EGLN1: variants seen among roughly 807,000 people sequenced by gnomAD.
The protein encoded by EGLN1 is egl-9 family hypoxia inducible factor 1, also known as egl nine homolog 1.
A neutral mutation model predicts 38.3 loss-of-function variants in EGLN1; 17 were observed. The observed-to-expected ratio is 0.44, with a 90% CI of 0.30 to 0.67. The LOEUF is 0.67. EGLN1 is among the 30% of genes least tolerant of loss of function. The pLI is 0.08. For synonymous variants in EGLN1, 283 were observed against 257.5 expected (o/e 1.10, Z -0.95); for missense variants, 477 against 603.3 (o/e 0.79, Z 2.19).
In EGLN1 at chr1:231,421,801, G is replaced by T; in HGVS notation, c.88C>A (p.Leu30Met). The T allele has an allele frequency of 6.4e-7, 1 of 1,559,988 alleles. No homozygotes were observed. The highest frequency in any genetic ancestry group is 1.2e-5 in the South Asian group (1 of 86,562). Reference protein sequence around the residue: ...YCELCGKMENLLRCSRCRSSF... With the variant: ...YCELCGKMENMLRCSRCRSSF... ...CTGCGGCAGCGGCTGCAGCGCAGCAGGTTCTCCATCTTCCCGCACAGCTCG... is the reference window on the plus strand; with the variant it reads ...CTGCGGCAGCGGCTGCAGCGCAGCATGTTCTCCATCTTCCCGCACAGCTCG... The change falls in exon 1 of 5, where the codon CTG (leucine) becomes ATG (methionine). Residue 30 changes from leucine to methionine, a missense_variant. Physicochemically the swap from Leu to Met is conservative, Grantham distance 15 (BLOSUM62 2). Around this residue, in one of 4 missense-constraint regions of EGLN1, gnomAD observed 298 missense variants for 288.9 expected, o/e 1.03. Transcript: ENST00000366641. The surrounding 1 kb of genome is among the most constrained non-coding windows in gnomAD (Gnocchi z 5.5).
chr1:231,381,682 AT>A (rs567540595), intron 1 of EGLN1, among the ~76,000 whole-genome samples: 16 of 152,332 alleles, frequency 1.1e-4, no homozygotes, highest in African/African-American at 2.4e-4. Flanking sequence ...TGAAGAATTG[AT>A]AAAGTTATGC....
intron 2 of EGLN1, among the ~76,000 whole-genome samples, chr1:231,371,932 A>C (rs968039788): frequency 3.3e-5 from 5 of 152,218 alleles, no homozygotes; most frequent in African/African-American, 1.2e-4. Context: ...AATTCTAGCT[A>C]CTTTGATACC....
At chr1:231,402,821 T>C (rs1038165759) in intron 1 of EGLN1, among the ~76,000 whole-genome samples, 4 of 150,448 alleles carry the variant, frequency 2.7e-5, no homozygotes, top group African/African-American at 9.8e-5. Context: ...TTTTTCCACA[T>C]AGATAGCCAT....
chr1:231,406,926 C>T (rs999318702), intron 1 of EGLN1, among the ~76,000 whole-genome samples: 2 of 152,088 alleles, frequency 1.3e-5, no homozygotes, highest in African/African-American at 2.4e-5. Flanking sequence ...CCCAAAATTT[C>T]TTTATTCAAG....
chr1:231,390,090 T>C (rs1462531986), intron 1 of EGLN1, among the ~76,000 whole-genome samples: 2 of 152,226 alleles, frequency 1.3e-5, no homozygotes, highest in Non-Finnish European at 2.9e-5. Context: ...TGTACCTAAC[T>C]ACCCTTGTCT....
chr1:231,378,507 G>A (rs1264901068), intron 1 of EGLN1, among the ~76,000 whole-genome samples: 2 of 152,076 alleles, frequency 1.3e-5, no homozygotes, highest in Non-Finnish European at 2.9e-5. Flanking sequence ...CGTTGCCCAC[G>A]CTGGTCTTCC....
chr1:231,386,577 C>T (rs1313821196), intron 1 of EGLN1, among the ~76,000 whole-genome samples: 7 of 152,140 alleles, frequency 4.6e-5, no homozygotes, highest in African/African-American at 1.7e-4. Flanking sequence ...TATTGCCACA[C>T]CTAAACACAC....
intron 1 of EGLN1, among the ~76,000 whole-genome samples, chr1:231,388,646 G>T (rs1370091769): frequency 1.9e-5 from 2 of 103,804 alleles, no homozygotes; most frequent in Non-Finnish European, 4.9e-5. Context: ...TAATTTTTTG[G>T]TTTTTTGTTG....
intron 1 of EGLN1, among the ~76,000 whole-genome samples, chr1:231,419,610 G>C (rs1366398969): frequency 2.6e-5 from 4 of 152,082 alleles, no homozygotes; most frequent in Non-Finnish European, 4.4e-5. Flanking sequence ...TCTAGTGAAA[G>C]ACCAACGCTG....
rs775733855 is a variant in EGLN1 at position 231,421,262 on chromosome 1, C to A, written c.627G>T (p.Val209=). 4 of 1,613,632 alleles carry A rather than the reference C, an allele frequency of 2.5e-6. No individual in the cohort carries two copies. The highest frequency in any genetic ancestry group is 3.4e-6 in the Non-Finnish European group (4 of 1,180,024). ...TCTCCTTGCCGAGGAAGTCGTCCAC[C>A]ACACAGATGCCGTGCTTGTTCATGC... ...VPCMNKHGIC[V]VDDFLGKETG... is the part of the protein sequence containing the mutation. Residue 209 remains valine, a synonymous_variant, in exon 1 of 5, where the codon GTG becomes GTT. Transcript: ENST00000366641. This position sits in a 1 kb window ranked among gnomAD's most constrained non-coding sequence, Gnocchi z 5.5.
At chr1:231,404,132 T>A (rs1688730210) in intron 1 of EGLN1, among the ~76,000 whole-genome samples, 1 of 152,144 alleles carries the variant, frequency 6.6e-6, no homozygotes, top group Non-Finnish European at 1.5e-5. Flanking sequence ...TTAAAAATGT[T>A]AAGAATAATT....
chr1:231,370,774 A>G, intron 2 of EGLN1, 76 bp from the exon 3 acceptor site: 2 of 1,511,248 alleles, frequency 1.3e-6, no homozygotes, highest in Non-Finnish European at 1.8e-6. Context: ...AAAAAAAGAG[A>G]CAATTTCAAT....
At chr1:231,377,925 C>G (rs1231017816) in intron 1 of EGLN1, among the ~76,000 whole-genome samples, 1 of 152,158 alleles carries the variant, frequency 6.6e-6, no homozygotes, top group African/African-American at 2.4e-5. Flanking sequence ...AGTTTTAAAT[C>G]TCACGTTTTG....
chr1:231,421,649 C>G lies in EGLN1; in HGVS notation c.240G>C (p.Pro80=), dbSNP rs973195004. Residue 80 remains proline, a synonymous_variant, in exon 1 of 5, where the codon CCG becomes CCC. Coordinates refer to ENST00000366641, the MANE Select transcript of EGLN1 (RefSeq NM_022051.3). This position sits in a 1 kb window ranked among gnomAD's most constrained non-coding sequence, Gnocchi z 5.5. Reference sequence around the variant, plus strand: ...CGGCCCTGGGCGGCGGCACTGCAGCCGGCGGCGCGGGGCCGGAATGCTGGT... The same window carrying G: ...CGGCCCTGGGCGGCGGCACTGCAGCGGGCGGCGCGGGGCCGGAATGCTGGT... ...GPHQHSGPAP[P]AAVPPPRAGA... 2.1e-6 allele frequency: 3 copies of G among 1,456,532 alleles called. No individual in the cohort carries two copies. Among genetic ancestry groups the G allele is most frequent in the African/African-American group, 1.5e-5 (1 of 67,924 alleles). The allele number at this position is 1,456,532 out of a possible 1,614,324, so 90.2% of individuals were successfully genotyped here.
intron 1 of EGLN1, among the ~76,000 whole-genome samples, chr1:231,398,569 G>T (rs1688588884): frequency 6.6e-6 from 1 of 152,204 alleles, no homozygotes; most frequent in South Asian, 2.1e-4. Context: ...TTAAACAGTT[G>T]CAACAAGGAC....
At chr1:231,412,803 G>A (rs1225776993) in intron 1 of EGLN1, among the ~76,000 whole-genome samples, 1 of 152,124 alleles carries the variant, frequency 6.6e-6, no homozygotes, top group Admixed American at 6.5e-5. Flanking sequence ...TGGCAACACT[G>A]AAAAAGTGGG....
At chr1:231,366,684 A>G (rs562993299) in intron 4 of EGLN1, among the ~76,000 whole-genome samples, 1 of 152,304 alleles carries the variant, frequency 6.6e-6, no homozygotes, top group African/African-American at 2.4e-5. Context: ...GGATAAAACC[A>G]TCCTCTACAC....
At chr1:231,374,230 A>G in intron 1 of EGLN1, 131 bp from the exon 2 acceptor site, 1 of 810,512 alleles carries the variant, frequency 1.2e-6, no homozygotes, top group East Asian at 2.7e-5. Flanking sequence ...AATATTTTGT[A>G]GATAAGATAA....
chr1:231,383,007 G>A (rs991146176), intron 1 of EGLN1, among the ~76,000 whole-genome samples: 5 of 127,548 alleles, frequency 3.9e-5, no homozygotes, highest in East Asian at 2.4e-4. Flanking sequence ...GCAGTGAGCC[G>A]ACATCGCACC....
Sources: gnomAD v4.1 joint callset for allele counts (sites outside exome capture counted in the v4.1 genomes callset) on GRCh38, gnomAD v4.1.1 for gene constraint, gnomAD v4.1.1 regional missense constraint, Gnocchi (gnomAD v3.1) non-coding constraint, MANE v1.5 for transcripts, NCBI Gene and HGNC (gene_info 2026-07-23, HGNC 2026-07-21) for gene names.